RALGAPA2: variants seen among roughly 807,000 people sequenced by gnomAD.
RALGAPA2 encodes Ral GTPase activating protein catalytic subunit alpha 2.
RALGAPA2 carries 139 observed loss-of-function variants against 230.4 expected under a neutral mutation model. The observed-to-expected ratio is 0.60, with a 90% CI of 0.53 to 0.69. The LOEUF (loss-of-function observed/expected upper bound fraction) is 0.69. Ranked by LOEUF, RALGAPA2 falls within the 30% of genes least tolerant of loss-of-function variation. The pLI is 0.00. For synonymous variants in RALGAPA2, 847 were observed against 837.8 expected (o/e 1.01, Z -0.19); for missense variants, 2,163 against 2,276.0 (o/e 0.95, Z 1.01).
intron 3 of RALGAPA2, among the ~76,000 whole-genome samples, chr20:20,669,359 G>A (rs2068060121): frequency 6.6e-6 from 1 of 152,104 alleles, no homozygotes; most frequent in African/African-American, 2.4e-5. Flanking sequence ...CTGACATCTG[G>A]GGCCTCAATG....
At position 20,513,225 on chromosome 20, in the gene RALGAPA2, G is replaced by C; in HGVS notation, c.4144C>G (p.Leu1382Val). ...GGGTAGTGCCCCAGGTGGTTCACCAGGTGGGCCATCACCATTCGAGCAGTC... is the reference window on the plus strand; with the variant it reads ...GGGTAGTGCCCCAGGTGGTTCACCACGTGGGCCATCACCATTCGAGCAGTC... ...PLTARMVMAH[L>V]VNHLGHYPLS... The change falls in exon 32 of 40, where the codon CTG becomes GTG. Residue 1382 changes from leucine to valine, a missense_variant. Transcript: ENST00000202677. 5.3e-6 allele frequency: 8 copies of C among 1,512,838 alleles called. No individual in the cohort carries two copies. Among genetic ancestry groups the C allele is most frequent in the Non-Finnish European group, 7.1e-6 (8 of 1,132,918 alleles). The allele number at this position is 1,512,838 out of a possible 1,614,324, so 93.7% of individuals were successfully genotyped here. A position where few individuals can be genotyped will look rare whatever the true frequency, so the allele number is the denominator to read the frequency against.
At chr20:20,568,190 T>C (rs906635473) in intron 23 of RALGAPA2, among the ~76,000 whole-genome samples, 1 of 152,202 alleles carries the variant, frequency 6.6e-6, no homozygotes, top group African/African-American at 2.4e-5. Context: ...CTAATTATTT[T>C]GTAAACCACT....
rs2062761995 is a variant in RALGAPA2, at chr20:20,513,106, G to T, written c.4263C>A (p.Phe1421Leu). 1 of 1,594,276 alleles carries T rather than the reference G, an allele frequency of 6.3e-7. No individual in the cohort carries two copies. Among genetic ancestry groups the T allele is most frequent in the Admixed American group, 1.7e-5 (1 of 57,854 alleles). ...VEGSELSFEV[F>L]RSPNLQLFVF... ...CAAACAGCTGCAGGTTTGGACTTCTGAACACCTCAAAGGACAGCTCGGAGC... is the reference window on the plus strand; with the variant it reads ...CAAACAGCTGCAGGTTTGGACTTCTTAACACCTCAAAGGACAGCTCGGAGC... The change falls in exon 32 of 40, where the codon TTC becomes TTA. Residue 1421 changes from phenylalanine (F) to leucine (L), a missense_variant. Physicochemically the swap from Phe to Leu is conservative, Grantham distance 22. Transcript: ENST00000202677.
rs2069907219 is a variant in RALGAPA2 at position 20,712,206 on chromosome 20, T to C, written c.106+169A>G. On this transcript the variant is annotated intron_variant, in intron 1 of 39. Transcript: ENST00000202677. The surrounding 1 kb of genome is among the most constrained non-coding windows in gnomAD (Gnocchi z 5.5). ...GTGCCCGAGGGCCAGGCTGCGGCTT[T>C]CTGGAAACAAAGCCCCGGGGGTCCA... 6.6e-6 allele frequency among the ~76,000 whole-genome samples: 1 copy of C among 152,004 alleles called. No homozygotes were observed. Among genetic ancestry groups the C allele is most frequent in the South Asian group, 2.1e-4 (1 of 4,816 alleles).
intron 1 of RALGAPA2, among the ~76,000 whole-genome samples, chr20:20,683,959 T>G (rs1351398162): frequency 6.6e-6 from 1 of 152,176 alleles, no homozygotes; most frequent in Non-Finnish European, 1.5e-5. Context: ...TGAGCACACT[T>G]AATGTAACTT....
At chr20:20,665,103 T>G (rs1448367333) in intron 3 of RALGAPA2, among the ~76,000 whole-genome samples, 1 of 152,018 alleles carries the variant, frequency 6.6e-6, no homozygotes, top group East Asian at 1.9e-4. Flanking sequence ...TTAAAAAAAA[T>G]CAACTTACCA....
intron 38 of RALGAPA2, among the ~76,000 whole-genome samples, chr20:20,401,030 C>T (rs534326493): frequency 6.9e-4 from 105 of 151,954 alleles, no homozygotes; most frequent in Middle Eastern, 3.4e-3. Context: ...GAGGAGTGGG[C>T]GGGGAGAAGT....
intron 37 of RALGAPA2, among the ~76,000 whole-genome samples, chr20:20,428,471 G>A (rs1307314102): frequency 1.3e-5 from 2 of 152,120 alleles, no homozygotes; most frequent in Non-Finnish European, 2.9e-5. Flanking sequence ...CATTAAATCA[G>A]CAGTTTTATA....
Position 20,583,095 on chromosome 20 carries a change from G to T in RALGAPA2, c.2662C>A (p.Arg888Ser), listed in dbSNP as rs757871596. ...GTGGGACTCAGTTGTAACCAATGAC[G>T]GGCATCAGCATCAGCCACAACATCT... ...PTDVVADADA[R>S]HWLQLSPTDA... The change falls in exon 20 of 40, where the codon CGT (arginine) becomes AGT (serine). Residue 888 changes from arginine to serine, a missense_variant. Coordinates refer to ENST00000202677, the MANE Select transcript of RALGAPA2 (RefSeq NM_020343.4). 1 of 1,613,488 alleles carries T rather than the reference G, an allele frequency of 6.2e-7. No individual in the cohort carries two copies. The highest frequency in any genetic ancestry group is 8.5e-7 in the Non-Finnish European group (1 of 1,179,724).
chr20:20,705,690 TGA>T (rs2069571930), intron 1 of RALGAPA2, among the ~76,000 whole-genome samples: 1 of 150,852 alleles, frequency 6.6e-6, no homozygotes, highest in African/African-American at 2.5e-5. Flanking sequence ...GTTTTGTTTT[TGA>T]GAGTCTTACT....
intron 1 of RALGAPA2, among the ~76,000 whole-genome samples, chr20:20,705,880 G>A (rs1199032163): frequency 6.6e-6 from 1 of 152,136 alleles, no homozygotes; most frequent in Non-Finnish European, 1.5e-5. Flanking sequence ...TGTTGGCCAG[G>A]CTGGCCTTCA....
chr20:20,458,033 CGCTGGCCCTGGCTGAT>C (rs1569416834), intron 37 of RALGAPA2, among the ~76,000 whole-genome samples: 1 of 152,204 alleles, frequency 6.6e-6, no homozygotes, highest in East Asian at 1.9e-4. Context: ...ACACTTTAGT[CGCTGGCCCTGGCTGAT>C]GCTCCGAGGA....
At chr20:20,555,940 A>G (rs1001257900) in intron 23 of RALGAPA2, among the ~76,000 whole-genome samples, 4 of 152,116 alleles carry the variant, frequency 2.6e-5, no homozygotes, top group African/African-American at 9.7e-5. Flanking sequence ...TCTCTGGTAC[A>G]CTGTTGAAAA....
intron 26 of RALGAPA2, 78 bp from the exon 27 acceptor site, chr20:20,531,873 A>C: frequency 9.2e-7 from 1 of 1,083,518 alleles, no homozygotes; most frequent in East Asian, 2.6e-5. Context: ...ATAACAAAAC[A>C]CTTTAAATCT....
intron 13 of RALGAPA2, 149 bp from the exon 14 acceptor site, chr20:20,611,575 T>A: frequency 7.7e-7 from 1 of 1,306,910 alleles, no homozygotes; most frequent in Non-Finnish European, 1.0e-6. Context: ...AATTACATAA[T>A]GAATACCATA....
chr20:20,611,429 G>C lies in RALGAPA2; in HGVS notation c.1689-3C>G. On this transcript the variant is annotated splice_polypyrimidine_tract_variant and splice_region_variant and intron_variant, in intron 13 of 39. Coordinates refer to ENST00000202677, the MANE Select transcript of RALGAPA2 (RefSeq NM_020343.4). ...GTAGTATTTGCAACATCTGTTCCCT[G>C]GGCCACCCAAAATAAAAGCTCATAT... 1 of 1,609,284 alleles carries C rather than the reference G, an allele frequency of 6.2e-7. No individual in the cohort carries two copies. Among genetic ancestry groups the C allele is most frequent in the Non-Finnish European group, 8.5e-7 (1 of 1,177,472 alleles).
At chr20:20,691,339 C>A (rs775077847) in intron 1 of RALGAPA2, among the ~76,000 whole-genome samples, 9 of 152,174 alleles carry the variant, frequency 5.9e-5, no homozygotes, top group Non-Finnish European at 1.3e-4. Flanking sequence ...TGTCCTTCAA[C>A]CCCTCTGCCT....
intron 3 of RALGAPA2, among the ~76,000 whole-genome samples, chr20:20,655,781 C>T (rs150015957): frequency 4.6e-5 from 7 of 152,048 alleles, no homozygotes; most frequent in South Asian, 2.1e-4. Context: ...GGATCAAGGC[C>T]GGCCAGGTAA....
At chr20:20,508,930 C>T (rs1478565748) in intron 33 of RALGAPA2, among the ~76,000 whole-genome samples, 2 of 152,204 alleles carry the variant, frequency 1.3e-5, no homozygotes, top group Admixed American at 6.5e-5. Flanking sequence ...AGCCATATTT[C>T]GTTGCAACAG....
Sources: gnomAD v4.1 joint callset for allele counts (sites outside exome capture counted in the v4.1 genomes callset) on GRCh38, gnomAD v4.1.1 for gene constraint, Gnocchi (gnomAD v3.1) non-coding constraint, MANE v1.5 for transcripts, NCBI Gene and HGNC (gene_info 2026-07-23, HGNC 2026-07-21) for gene names.